MAN2C1: variants seen among roughly 807,000 people sequenced by gnomAD.
The protein encoded by MAN2C1 is mannosidase alpha class 2C member 1.
MAN2C1 carries 111 observed loss-of-function variants against 126.9 expected under a neutral mutation model. The observed-to-expected ratio is 0.87, with a 90% CI of 0.75 to 1.02. The LOEUF (loss-of-function observed/expected upper bound fraction) is 1.02, where lower values mean the gene tolerates loss of function less well. Among genes scored for constraint, MAN2C1 ranks in the 50% least tolerant of loss-of-function variants. The pLI, the probability that MAN2C1 is intolerant of heterozygous loss-of-function variation, is 0.00. For synonymous variants in MAN2C1, 567 were observed against 561.5 expected (o/e 1.01, Z -0.14); for missense variants, 1,363 against 1,364.4 (o/e 1.00, Z 0.02).
intron 18 of MAN2C1, 52 bp from the exon 19 acceptor site, chr15:75,358,860 A>G: frequency 6.7e-7 from 1 of 1,498,590 alleles, no homozygotes; most frequent in African/African-American, 1.4e-5. Context: ...CGCTGTCTCC[A>G]GCTGCTCTTG....
At chr15:75,360,787 C>T (rs568838817) in intron 12 of MAN2C1, 99 bp from the exon 13 acceptor site, 14 of 1,489,034 alleles carry the variant, frequency 9.4e-6, no homozygotes, top group Middle Eastern at 1.8e-4. Flanking sequence ...CAGAGAGGAG[C>T]CACTCCAGAA....
In MAN2C1 at chr15:75,361,821, C is replaced by T. The variant is rs376268735; in HGVS notation, c.1101+34G>A. ...CTCCAAGTCGAGCGCCAGCCCCACTCGCCCACAGCCTGGTGTAGCAGCTCT... is the reference window on the plus strand; with the variant it reads ...CTCCAAGTCGAGCGCCAGCCCCACTTGCCCACAGCCTGGTGTAGCAGCTCT... On this transcript the variant is annotated intron_variant, in intron 9 of 25. Transcript: ENST00000267978. The surrounding 1 kb of genome is among the most constrained non-coding windows in gnomAD (Gnocchi z 5.0). The T allele has an allele frequency of 2.4e-5, 38 of 1,607,486 alleles. No individual in the cohort carries two copies. Among genetic ancestry groups the T allele is most frequent in the East Asian group, 1.1e-4 (5 of 44,854 alleles).
Position 75,358,627 on chromosome 15 carries a change from CAG to C in MAN2C1, c.2247-11_2247-10del, listed in dbSNP as rs926830325. The C allele has an allele frequency of 3.7e-6, 6 of 1,612,482 alleles. No individual in the cohort carries two copies. The highest frequency in any genetic ancestry group is 1.7e-5 in the Admixed American group (1 of 59,936). ...GGCCCAGCACAGGCTTCCTATGGGA[CAG>C]GGGTGGACATACTGATCCAGAGCAG... On this transcript the variant is annotated splice_polypyrimidine_tract_variant and intron_variant, in intron 19 of 25. Transcript: ENST00000267978.
chr15:75,363,097 C>CAG (rs1022636827), intron 6 of MAN2C1: 3 of 433,900 alleles, frequency 6.9e-6, no homozygotes, highest in Non-Finnish European at 1.4e-5. Flanking sequence ...TACCTGGGAA[C>CAG]AGAGGCATGG....
At position 75,360,699 on chromosome 15, in the gene MAN2C1, C is replaced by T; in HGVS notation, c.1461-11G>A. On this transcript the variant is annotated splice_polypyrimidine_tract_variant and intron_variant, in intron 12 of 25. Transcript: ENST00000267978. ...GAAGATAGCTGCACCCTGAGGAGAC[C>T]ACAAGCCTAGGTCTCCCAGCCTTGG... 6.2e-7 allele frequency: 1 copy of T among 1,612,652 alleles called. No homozygotes were observed. The highest frequency in any genetic ancestry group is 1.3e-5 in the African/African-American group (1 of 75,028).
At chr15:75,357,182 C>CA in intron 21 of MAN2C1, 1 of 382,656 alleles carries the variant, frequency 2.6e-6, no homozygotes, top group Non-Finnish European at 4.8e-6. Flanking sequence ...CTCAGTCTGT[C>CA]ACCCAGGCTG....
rs1407860243 is a variant in MAN2C1 at position 75,361,254 on chromosome 15, C to T, written c.1314+32G>A. The T allele has an allele frequency of 3.2e-6, 5 of 1,583,358 alleles. No individual in the cohort carries two copies. The highest frequency in any genetic ancestry group is 4.3e-6 in the Non-Finnish European group (5 of 1,164,894). ...GAACAAGCCAGCCCTCTCCAGCCTG[C>T]CCCTACCCCACCACCCTAGGTGACC... On this transcript the variant is annotated intron_variant, in intron 11 of 25. Transcript: ENST00000267978. The surrounding 1 kb of genome is among the most constrained non-coding windows in gnomAD (Gnocchi z 5.0).
Position 75,356,923 on chromosome 15 carries a change from C to A in MAN2C1, c.2548-21G>T. On this transcript the variant is annotated intron_variant, in intron 21 of 25. Transcript: ENST00000267978. This position sits in a 1 kb window ranked among gnomAD's most constrained non-coding sequence, Gnocchi z 5.8. ...CACACCTGGAGGGCAGATCCAAGAC[C>A]CACTTGGTGGCCCTGTGCCCCTCTT... 6.3e-7 allele frequency: 1 copy of A among 1,599,356 alleles called. No homozygotes were observed. Among genetic ancestry groups the A allele is most frequent in the African/African-American group, 1.3e-5 (1 of 74,782 alleles).
intron 1 of MAN2C1, 111 bp downstream of exon 1, chr15:75,368,372 G>C (rs1364599432): frequency 2.2e-6 from 3 of 1,390,406 alleles, no homozygotes; most frequent in African/African-American, 1.4e-5. Context: ...CCTGCCCGCG[G>C]CGGGCACTTT....
At chr15:75,365,914 T>C (rs1162576040) in intron 4 of MAN2C1, 14 of 438,122 alleles carry the variant, frequency 3.2e-5, no homozygotes, top group Non-Finnish European at 6.3e-5. Context: ...GTGAAACCCT[T>C]TCTCTACCAA....
chr15:75,365,859 C>T (rs777577739), intron 4 of MAN2C1: 3 of 350,840 alleles, frequency 8.6e-6, no homozygotes, highest in South Asian at 2.1e-5. Context: ...CTGAGAGGGG[C>T]GGATAACCTG....
Position 75,359,909 on chromosome 15 carries a change from A to G in MAN2C1, c.1786T>C (p.Tyr596His), listed in dbSNP as rs767016421. ...GGACTATTGTGAGCCTAACCTTCATAATGGCACATGGCTTCCTCTGCCACC... is the reference window on the plus strand; with the variant it reads ...GGACTATTGTGAGCCTAACCTTCATGATGGCACATGGCTTCCTCTGCCACC... ...QMVAEEAMCH[Y>H]EDIRSHGNTL... Residue 596 changes from tyrosine to histidine, a missense_variant, in exon 15 of 26, where the codon TAT becomes CAT. Around this residue, in one of 3 missense-constraint regions of MAN2C1, gnomAD observed 668 missense variants for 650.1 expected, o/e 1.03. Coordinates refer to ENST00000267978, the MANE Select transcript of MAN2C1 (RefSeq NM_006715.4). 7 of 1,612,580 alleles carry G rather than the reference A, an allele frequency of 4.3e-6. No homozygotes were observed. The East Asian group carries it at 1.1e-4, about 26-fold the overall frequency.
In MAN2C1 at chr15:75,366,581, T is replaced by A. The variant is rs754413003; in HGVS notation, c.363A>T (p.Lys121Asn). ...GGACATAGCTGGTCTTCTCACCCTC[T>A]TTGGTTAAACCCTAGTAGGGAGGGG... is the stretch of plus-strand genomic sequence containing the variant. The part of the protein sequence containing the change: ...RDGEPVQGLT[K>N]EGEKTSYVLT... The change falls in exon 4 of 26, where the codon AAA becomes AAT. Residue 121 changes from lysine to asparagine, a missense_variant. Coordinates refer to ENST00000267978, the MANE Select transcript of MAN2C1 (RefSeq NM_006715.4). 6.2e-7 allele frequency: 1 copy of A among 1,612,858 alleles called. No individual in the cohort carries two copies. Among genetic ancestry groups the A allele is most frequent in the South Asian group, 1.1e-5 (1 of 90,810 alleles).
intron 19 of MAN2C1, 23 bp downstream of exon 19, chr15:75,358,681 C>CCCACATGCTTCCCAGCCCATA: frequency 6.2e-7 from 1 of 1,603,634 alleles, no homozygotes; most frequent in South Asian, 1.1e-5. Context: ...CTCCACCATC[C>CCCACATGCTTCCCAGCCCATA]CCACATGCTG....
At chr15:75,360,284 G>C in intron 13 of MAN2C1, 73 bp from the exon 14 acceptor site, 1 of 1,577,282 alleles carries the variant, frequency 6.3e-7, no homozygotes, top group South Asian at 1.1e-5. Flanking sequence ...GCCCTCCCTT[G>C]CTCAGAATCC....
rs2072468213 is a variant in MAN2C1 at position 75,361,491 on chromosome 15, G to A, written c.1219-110C>T. The A allele has an allele frequency of 8.0e-7, 1 of 1,256,146 alleles. No individual in the cohort carries two copies. Among genetic ancestry groups the A allele is most frequent in the Middle Eastern group, 2.1e-4 (1 of 4,800 alleles). The allele number at this position is 1,256,146 out of a possible 1,614,324, so 77.8% of individuals were successfully genotyped here. A position where few individuals can be genotyped will look rare whatever the true frequency, so the allele number is the denominator to read the frequency against. ...CTGCCTGCTATGTGACCCTGGCAGA[G>A]GCAGAGTGAGGGTTTGGTGGTCTGT... On this transcript the variant is annotated intron_variant, in intron 10 of 25. Coordinates refer to ENST00000267978, the MANE Select transcript of MAN2C1 (RefSeq NM_006715.4). The surrounding 1 kb of genome is among the most constrained non-coding windows in gnomAD (Gnocchi z 5.0).
At chr15:75,368,321 C>T (rs75458893) in intron 1 of MAN2C1, 123 bp from the exon 2 acceptor site, 329,451 of 1,459,406 alleles carry the variant, frequency 0.23, 42,174 homozygotes, top group Non-Finnish European at 0.26. Flanking sequence ...GGCCGCTCCG[C>T]GGCACAGTCC....
At chr15:75,367,459 C>A in intron 3 of MAN2C1, 52 bp downstream of exon 3, 2 of 1,598,206 alleles carry the variant, frequency 1.3e-6, no homozygotes, top group South Asian at 1.1e-5. Context: ...GGGCTGTAGT[C>A]ATTTCAGGGC....
Position 75,362,070 on chromosome 15 carries a change from G to C in MAN2C1, c.1009-123C>G, listed in dbSNP as rs866954679. On this transcript the variant is annotated intron_variant, in intron 8 of 25. Transcript: ENST00000267978. The surrounding 1 kb of genome is among the most constrained non-coding windows in gnomAD (Gnocchi z 4.5). The stretch of plus-strand genomic sequence containing the variant: ...TGCTCAAACATGGGAGTTACAGCCA[G>C]AACTCAGGAAGGGCCCCTGTCCTTC... 6 of 783,294 alleles carry C rather than the reference G, an allele frequency of 7.7e-6. No homozygotes were observed. In the Admixed American group the frequency reaches 8.3e-5, roughly 11 times the overall value. 48.5% of individuals were successfully genotyped at this position (783,294 alleles called of 1,614,324 possible).
Sources: allele counts gnomAD v4.1 joint callset, GRCh38; gene constraint gnomAD v4.1.1; regional missense constraint gnomAD v4.1.1; non-coding constraint Gnocchi (gnomAD v3.1); transcripts MANE v1.5; gene names NCBI Gene and HGNC (gene_info 2026-07-23, HGNC 2026-07-21).